NKIRAS1: variants seen among roughly 807,000 people sequenced by gnomAD.
NKIRAS1 encodes NFKB inhibitor interacting Ras like 1.
Under a neutral mutation model 19.8 loss-of-function variants are expected in NKIRAS1, and 16 were observed. The ratio of observed to expected loss-of-function variants is 0.81; its 90% CI spans 0.55 to 1.23. The LOEUF (loss-of-function observed/expected upper bound fraction) is 1.23. NKIRAS1 is among the 50% of genes most tolerant of loss of function. NKIRAS1 has a pLI of 0.00. For missense variants in NKIRAS1, 184 were observed against 220.0 expected, an observed-to-expected ratio of 0.84 and a Z score of 1.04; for synonymous variants, 88 against 79.0, an observed-to-expected ratio of 1.11 and a Z score of -0.61.
intron 3 of NKIRAS1, among the ~76,000 whole-genome samples, chr3:23,909,320 G>A (rs1248153397): frequency 5.3e-5 from 8 of 152,040 alleles, no homozygotes; most frequent in Admixed American, 3.3e-4. Flanking sequence ...TCAGGAGTTC[G>A]AGACCAGCCT....
chr3:23,909,616 T>C (rs550027989), intron 3 of NKIRAS1, among the ~76,000 whole-genome samples: 2 of 152,178 alleles, frequency 1.3e-5, no homozygotes, highest in Admixed American at 6.5e-5. Flanking sequence ...GTCATTTCAT[T>C]CTAACCTGTG....
chr3:23,890,509 C>A lies in NKIRAS1; in HGVS notation c.*2586G>T. The A allele has an allele frequency of 1.9e-6, 3 of 1,610,186 alleles. No individual in the cohort carries two copies. The highest frequency in any genetic ancestry group is 2.5e-6 in the Non-Finnish European group (3 of 1,178,596). ...AGTAATCTACATTCTTTTCTTCCAGCCGACCCCTTGGTGGGAAGTATTGCC... is the reference window on the plus strand; with the variant it reads ...AGTAATCTACATTCTTTTCTTCCAGACGACCCCTTGGTGGGAAGTATTGCC... On this transcript the variant is annotated 3_prime_UTR_variant, in exon 5 of 5. Transcript: ENST00000425478.
upstream of NKIRAS1, chr3:23,919,656 A>G (rs1322181961): frequency 8.5e-6 from 12 of 1,415,944 alleles, no homozygotes; most frequent in African/African-American, 1.4e-5. Context: ...TTTGAAGACA[A>G]TAAGTGGTGG....
chr3:23,930,947 C>T (rs1705305978), intron 1 of NKIRAS1, among the ~76,000 whole-genome samples: 1 of 149,094 alleles, frequency 6.7e-6, no homozygotes, highest in South Asian at 2.1e-4. Context: ...TTCCAAAGTG[C>T]TGGGATTATA....
At chr3:23,906,979 T>G (rs983017445) in intron 3 of NKIRAS1, among the ~76,000 whole-genome samples, 2 of 152,132 alleles carry the variant, frequency 1.3e-5, no homozygotes, top group African/African-American at 4.8e-5. Context: ...CGATAAACTC[T>G]GCCTCCCGGG....
intron 1 of NKIRAS1, among the ~76,000 whole-genome samples, chr3:23,928,073 ACT>A (rs564253739): frequency 1.4e-5 from 2 of 146,524 alleles, no homozygotes; most frequent in Non-Finnish European, 3.0e-5. Flanking sequence ...AACAAGACAC[ACT>A]CTCTCTCCTC....
chr3:23,923,780 A>T (rs1211330037), intron 1 of NKIRAS1: 1 of 152,208 alleles, frequency 6.6e-6, no homozygotes, highest in Non-Finnish European at 1.5e-5. Context: ...AATTTTCACT[A>T]CCACCAGCAA....
intron 1 of NKIRAS1, chr3:23,945,554 C>T: frequency 3.5e-6 from 4 of 1,156,152 alleles, no homozygotes; most frequent in Non-Finnish European, 3.2e-6. Flanking sequence ...AAGCGGGCGG[C>T]CCCGGCCGCC....
chr3:23,943,555 G>A (rs532589340), intron 1 of NKIRAS1, among the ~76,000 whole-genome samples: 1 of 152,238 alleles, frequency 6.6e-6, no homozygotes, highest in Non-Finnish European at 1.5e-5. Flanking sequence ...CTAGAATGTC[G>A]TATAGTTGGA....
intron 3 of NKIRAS1, among the ~76,000 whole-genome samples, chr3:23,906,777 G>A (rs1050045453): frequency 2.6e-5 from 4 of 151,964 alleles, no homozygotes; most frequent in African/African-American, 9.7e-5. Context: ...TCATCAAAGA[G>A]AGTGTCTTAT....
At chr3:23,894,128 A>G (rs764862319) in intron 4 of NKIRAS1, among the ~76,000 whole-genome samples, 1 of 152,222 alleles carries the variant, frequency 6.6e-6, no homozygotes. Context: ...AGTATGTGCC[A>G]ATAGGAACAT....
chr3:23,945,673 CA>C, intron 1 of NKIRAS1: 4 of 830,496 alleles, frequency 4.8e-6, no homozygotes, highest in Non-Finnish European at 6.1e-6. Flanking sequence ...GGGGCGGCGG[CA>C]GGGGGTGTCC....
intron 1 of NKIRAS1, among the ~76,000 whole-genome samples, chr3:23,943,777 G>C (rs1462806787): frequency 2.0e-5 from 3 of 152,206 alleles, no homozygotes; most frequent in Admixed American, 6.5e-5. Context: ...GAAGAATAGA[G>C]GGCTACCGTG....
chr3:23,896,812 T>C (rs1386966192), intron 4 of NKIRAS1, among the ~76,000 whole-genome samples: 1 of 145,116 alleles, frequency 6.9e-6, no homozygotes, highest in African/African-American at 2.6e-5. Context: ...GTCTCTACAA[T>C]TAAAAAAAAA....
intron 3 of NKIRAS1, among the ~76,000 whole-genome samples, chr3:23,902,826 G>C (rs985582375): frequency 6.6e-6 from 1 of 152,180 alleles, no homozygotes; most frequent in African/African-American, 2.4e-5. Flanking sequence ...GGGATAAAGG[G>C]AATGAGTTCC....
chr3:23,893,225 G>A lies in NKIRAS1; in HGVS notation c.449C>T (p.Thr150Ile), dbSNP rs777901887. Residue 150 changes from threonine (T) to isoleucine (I), a missense_variant, in exon 5 of 5, where the codon ACT (threonine) becomes ATT (isoleucine). By Grantham distance (89) the Thr-to-Ile change is moderately conservative. Transcript: ENST00000425478. ...KSEKVRLWEV[T>I]VTDRKTLIEP... Reference sequence around the variant, plus strand: ...AATCAGAGTTTTCCGATCTGTAACAGTCACCTCCCACAGTCTTACTTTCTC... The same window carrying A: ...AATCAGAGTTTTCCGATCTGTAACAATCACCTCCCACAGTCTTACTTTCTC... 1 of 1,614,136 alleles carries A rather than the reference G, an allele frequency of 6.2e-7. No individual in the cohort carries two copies. The highest frequency in any genetic ancestry group is 8.5e-7 in the Non-Finnish European group (1 of 1,180,020).
At chr3:23,919,124 A>G, upstream of NKIRAS1, 1 of 1,041,126 alleles carries the variant, frequency 9.6e-7, no homozygotes, top group South Asian at 1.4e-5. Context: ...AGAGTTGAGA[A>G]TTAAAATTCT....
upstream of NKIRAS1, chr3:23,919,807 T>C (rs181403520): frequency 3.8e-6 from 4 of 1,063,998 alleles, no homozygotes; most frequent in East Asian, 1.4e-4. Flanking sequence ...ACTAGCCCTG[T>C]AGATTTGTCT....
chr3:23,923,153 C>T (rs1013343728), intron 1 of NKIRAS1: 10 of 151,556 alleles, frequency 6.6e-5, no homozygotes, highest in African/African-American at 2.4e-4. Context: ...ATATGATACA[C>T]ATTGTTGATT....
Sources: allele counts gnomAD v4.1 joint callset (sites outside exome capture counted in the v4.1 genomes callset), GRCh38; gene constraint gnomAD v4.1.1; transcripts MANE v1.5; gene names NCBI Gene and HGNC (gene_info 2026-07-23, HGNC 2026-07-21).